Variants in USP10 observed in about 807,000 individuals in gnomAD.
USP10 encodes ubiquitin carboxyl-terminal hydrolase 10.
In USP10, 22 loss-of-function variants were observed where a neutral mutation model predicts 84.5. The observed-to-expected ratio is 0.26, with a 90% CI of 0.19 to 0.37. USP10 has a LOEUF of 0.37. Ranked by LOEUF, USP10 falls within the 10% of genes least tolerant of loss-of-function variation. The pLI, the probability that USP10 is intolerant of heterozygous loss-of-function variation, is 1.00. For missense variants in USP10, 1,019 were observed against 998.9 expected (o/e 1.02, Z -0.27); for synonymous variants, 454 against 387.6 (o/e 1.17, Z -2.01).
intron 1 of USP10, among the ~76,000 whole-genome samples, chr16:84,729,049 C>T (rs930884341): frequency 3.9e-5 from 6 of 152,090 alleles, no homozygotes; most frequent in Admixed American, 2.0e-4. Flanking sequence ...CTGCTCGCCT[C>T]GGCTTCTGGA....
At chr16:84,750,282 G>C (rs951910906) in intron 4 of USP10, among the ~76,000 whole-genome samples, 1 of 151,830 alleles carries the variant, frequency 6.6e-6, no homozygotes, top group African/African-American at 2.4e-5. Flanking sequence ...GTGGCTCATG[G>C]CTGTAATCCT....
intron 4 of USP10, among the ~76,000 whole-genome samples, chr16:84,746,370 G>C (rs892991246): frequency 6.6e-6 from 1 of 152,194 alleles, no homozygotes; most frequent in Non-Finnish European, 1.5e-5. Context: ...AACTAAGATG[G>C]ATATGTGTTC....
intron 1 of USP10, among the ~76,000 whole-genome samples, chr16:84,726,841 G>A (rs924566712): frequency 1.3e-5 from 2 of 152,218 alleles, no homozygotes; most frequent in Admixed American, 6.5e-5. Context: ...TTTCTGTGCC[G>A]TCCCGCCCCT....
rs569577307 is a variant in USP10 at position 84,752,433 on chromosome 16, G to C, written c.1193-6283G>C. ...GGAATGCAGGTCAAGTTTCAACCTAGAAGTTGCCTGCCCTCTATCCTTGGT... is the reference window on the plus strand; with the variant it reads ...GGAATGCAGGTCAAGTTTCAACCTACAAGTTGCCTGCCCTCTATCCTTGGT... On this transcript the variant is annotated intron_variant, in intron 4 of 13. Transcript: ENST00000219473. 2.0e-5 allele frequency among the ~76,000 whole-genome samples: 3 copies of C among 152,316 alleles called. 1 individual carries two copies. The South Asian group carries it at 6.2e-4, about 32-fold the overall frequency.
At position 84,763,622 on chromosome 16, in the gene USP10, A is replaced by C. The variant is rs1421471603; in HGVS notation, c.1655-464A>C. On this transcript the variant is annotated intron_variant, in intron 9 of 13. Coordinates refer to ENST00000219473, the MANE Select transcript of USP10 (RefSeq NM_005153.3). ...TTGCAGAGCATCTTCAAATTTCGCCAGTTGTCCCAGGGATGTCATTTCTAG... is the reference window on the plus strand; with the variant it reads ...TTGCAGAGCATCTTCAAATTTCGCCCGTTGTCCCAGGGATGTCATTTCTAG... Among the ~76,000 whole-genome samples, 3 of 152,252 alleles carry C rather than the reference A, an allele frequency of 2.0e-5. No homozygotes were observed. The East Asian group carries it at 5.8e-4, about 29-fold the overall frequency.
intron 4 of USP10, among the ~76,000 whole-genome samples, chr16:84,750,693 TTGA>T (rs1911827527): frequency 6.6e-6 from 1 of 152,202 alleles, no homozygotes; most frequent in African/African-American, 2.4e-5. Flanking sequence ...CATTTTGTAT[TTGA>T]TGTTTTGCTT....
At chr16:84,719,810 G>A (rs1406955009) in intron 1 of USP10, among the ~76,000 whole-genome samples, 1 of 152,208 alleles carries the variant, frequency 6.6e-6, no homozygotes, top group African/African-American at 2.4e-5. Context: ...TGCTGGTAAA[G>A]CAAGCTATAC....
intron 1 of USP10, among the ~76,000 whole-genome samples, chr16:84,714,449 G>C (rs1015501946): frequency 1.3e-5 from 2 of 152,024 alleles, no homozygotes; most frequent in African/African-American, 4.8e-5. Context: ...CTCCCAAAAT[G>C]CTGGGGCTAC....
At chr16:84,723,056 G>A (rs1027760665) in intron 1 of USP10, among the ~76,000 whole-genome samples, 2 of 151,906 alleles carry the variant, frequency 1.3e-5, no homozygotes, top group Non-Finnish European at 2.9e-5. Flanking sequence ...GAAACCGGTG[G>A]TCTTATTTGA....
In USP10 at chr16:84,779,275, A is replaced by G. The variant is rs1186357669; in HGVS notation, c.*193A>G. On this transcript the variant is annotated 3_prime_UTR_variant, in exon 14 of 14. Transcript: ENST00000219473. The stretch of plus-strand genomic sequence containing the variant: ...CTGTTGACTCTAACTTCCAAATCAA[A>G]ATCATTTGGTTGAAACAGACTGTTG... 2 of 549,780 alleles carry G rather than the reference A, an allele frequency of 3.6e-6. No individual in the cohort carries two copies. Among genetic ancestry groups the G allele is most frequent in the Non-Finnish European group, 6.2e-6 (2 of 322,728 alleles). The allele number at this position is 549,780 out of a possible 1,614,324, so 34.1% of individuals were successfully genotyped here.
At chr16:84,772,092 C>A (rs1330999086) in intron 11 of USP10, among the ~76,000 whole-genome samples, 1 of 152,038 alleles carries the variant, frequency 6.6e-6, no homozygotes, top group Non-Finnish European at 1.5e-5. Context: ...CGCTGTGTTG[C>A]CCAGGCTGGG....
intron 1 of USP10, among the ~76,000 whole-genome samples, chr16:84,711,214 G>C (rs1186903300): frequency 6.6e-6 from 1 of 152,170 alleles, no homozygotes; most frequent in Non-Finnish European, 1.5e-5. Flanking sequence ...CTGTGCCAGG[G>C]CCCGTGTTGG....
intron 1 of USP10, among the ~76,000 whole-genome samples, chr16:84,711,844 T>C (rs1906347758): frequency 6.6e-6 from 1 of 151,012 alleles, no homozygotes; most frequent in Admixed American, 6.6e-5. Flanking sequence ...CTCAGCCTCC[T>C]GAGTAGCTGG....
chr16:84,707,716 C>T (rs1427625802), intron 1 of USP10, among the ~76,000 whole-genome samples: 2 of 152,134 alleles, frequency 1.3e-5, no homozygotes, highest in African/African-American at 4.8e-5. Context: ...ATCCAGTGTG[C>T]AGGGGATTGT....
At position 84,770,843 on chromosome 16, in the gene USP10, G is replaced by A. The variant is rs571778688; in HGVS notation, c.1999-1698G>A. Among the ~76,000 whole-genome samples, 6 of 151,486 alleles carry A rather than the reference G, an allele frequency of 4.0e-5. No individual in the cohort carries two copies. In the South Asian group the frequency reaches 1.0e-3, roughly 26 times the overall value. On this transcript the variant is annotated intron_variant, in intron 11 of 13. Coordinates refer to ENST00000219473, the MANE Select transcript of USP10 (RefSeq NM_005153.3). ...AGCATTTTCGGAGGCTGAGGCAGGC[G>A]GATCACAAAGTCAAGAGATCGAGAC... is the stretch of plus-strand genomic sequence containing the variant.
intron 1 of USP10, chr16:84,704,825 A>G (rs779143143): frequency 3.9e-6 from 6 of 1,535,748 alleles, no homozygotes; most frequent in Non-Finnish European, 3.5e-6. Flanking sequence ...GTCTTGAAAC[A>G]TCATGCCCTG....
At chr16:84,730,794 T>A (rs910351708) in intron 1 of USP10, among the ~76,000 whole-genome samples, 1 of 152,182 alleles carries the variant, frequency 6.6e-6, no homozygotes, top group Non-Finnish European at 1.5e-5. Context: ...GAAGTATGAT[T>A]TAAATAAACA....
chr16:84,737,565 G>A (rs1025348019), intron 2 of USP10, among the ~76,000 whole-genome samples: 13 of 152,214 alleles, frequency 8.5e-5, no homozygotes, highest in African/African-American at 2.9e-4. Flanking sequence ...TCCTGCAGGT[G>A]CGCTCTTTTA....
intron 13 of USP10, among the ~76,000 whole-genome samples, chr16:84,775,882 G>A (rs919272121): frequency 9.7e-6 from 1 of 102,934 alleles, no homozygotes; most frequent in African/African-American, 3.0e-5. Context: ...CTCTTTTATA[G>A]CGTCATCTTT....
Sources: gnomAD v4.1 joint callset for allele counts (sites outside exome capture counted in the v4.1 genomes callset) on GRCh38, gnomAD v4.1.1 for gene constraint, MANE v1.5 for transcripts, NCBI Gene and HGNC (gene_info 2026-07-23, HGNC 2026-07-21) for gene names.